Variants in SAMMSON observed in about 807,000 individuals in gnomAD.
SAMMSON encodes survival associated mitochondrial melanoma specific oncogenic non-coding RNA, also known as long intergenic non-protein coding RNA 1212.
At chr3:70,229,692 A>C (rs1298982904) in intron 4 of SAMMSON, among the ~76,000 whole-genome samples, 1 of 152,186 alleles carries the variant, frequency 6.6e-6, no homozygotes, top group Non-Finnish European at 1.5e-5. Context: ...GCCCCTAAAA[A>C]TGACAGAGCC....
intron 6 of SAMMSON, among the ~76,000 whole-genome samples, chr3:70,254,327 A>G: frequency 6.6e-6 from 1 of 152,278 alleles, no homozygotes; most frequent in East Asian, 1.9e-4. Context: ...AACATTCTAA[A>G]ATTGCATATT....
intron 2 of SAMMSON, among the ~76,000 whole-genome samples, chr3:70,409,134 C>A (rs1466830196): frequency 2.0e-5 from 3 of 152,134 alleles, no homozygotes; most frequent in Non-Finnish European, 4.4e-5. Context: ...AGGAGTACAA[C>A]TCAAGATGAG....
intron 4 of SAMMSON, among the ~76,000 whole-genome samples, chr3:70,187,729 C>T (rs1346261075): frequency 1.3e-5 from 2 of 152,032 alleles, no homozygotes; most frequent in Admixed American, 1.3e-4. Flanking sequence ...AGCCACCGCG[C>T]CCGGCCGGGA....
intron 3 of SAMMSON, among the ~76,000 whole-genome samples, chr3:70,035,621 A>G (rs2067082528): frequency 6.6e-6 from 1 of 152,206 alleles, no homozygotes; most frequent in South Asian, 2.1e-4. Flanking sequence ...ACAGCCTTTT[A>G]GCCGAACCCT....
intron 7 of SAMMSON, among the ~76,000 whole-genome samples, chr3:70,300,147 C>G (rs1374781046): frequency 3.3e-5 from 5 of 152,080 alleles, no homozygotes. Context: ...TGAAATTTAT[C>G]CTTCCATTTA....
intron 3 of SAMMSON, among the ~76,000 whole-genome samples, chr3:70,064,514 G>A (rs1031736566): frequency 6.6e-6 from 1 of 152,136 alleles, no homozygotes; most frequent in African/African-American, 2.4e-5. Flanking sequence ...CTAGGGCTTA[G>A]CAAGTGTCAT....
chr3:70,077,345 AAATT>A (rs1361906234), intron 4 of SAMMSON, among the ~76,000 whole-genome samples: 1 of 152,220 alleles, frequency 6.6e-6, no homozygotes, highest in Non-Finnish European at 1.5e-5. Context: ...TTATAAAAAT[AAATT>A]GAGATGTGCA....
At chr3:70,186,401 G>A (rs1445906314) in intron 4 of SAMMSON, among the ~76,000 whole-genome samples, 4 of 151,958 alleles carry the variant, frequency 2.6e-5, no homozygotes, top group Non-Finnish European at 5.9e-5. Context: ...GGGACTACAG[G>A]TGCATGCCAC....
At chr3:70,195,570 GA>G (rs998581884) in intron 4 of SAMMSON, among the ~76,000 whole-genome samples, 50 of 152,202 alleles carry the variant, frequency 3.3e-4, no homozygotes, top group African/African-American at 1.1e-3. Context: ...CCTAAGTCAG[GA>G]AAAAACAGGT....
chr3:70,029,902 T>G (rs950450804), intron 3 of SAMMSON, among the ~76,000 whole-genome samples: 6 of 152,216 alleles, frequency 3.9e-5, no homozygotes, highest in Non-Finnish European at 8.8e-5. Flanking sequence ...TTAGAAATCA[T>G]TTCTCTGTCC....
chr3:70,222,431 G>GTA (rs1385492407), intron 4 of SAMMSON, among the ~76,000 whole-genome samples: 1 of 152,054 alleles, frequency 6.6e-6, no homozygotes, highest in Non-Finnish European at 1.5e-5. Context: ...TTAATAATTG[G>GTA]TATTTATGGA....
chr3:70,385,869 G>A (rs143398909), intron 9 of SAMMSON, among the ~76,000 whole-genome samples: 2,126 of 152,108 alleles, frequency 0.014, 19 homozygotes, highest in Middle Eastern at 0.034. Flanking sequence ...TGTGGATGCT[G>A]GTAAAGATTA....
chr3:70,245,633 A>G (rs536127620), intron 4 of SAMMSON, among the ~76,000 whole-genome samples: 3 of 144,570 alleles, frequency 2.1e-5, no homozygotes, highest in African/African-American at 7.5e-5. Flanking sequence ...CAAAGAAATC[A>G]GAATATGGAT....
intron 6 of SAMMSON, among the ~76,000 whole-genome samples, chr3:70,287,844 G>A (rs867814739): frequency 0.027 from 4,003 of 150,842 alleles, 64 homozygotes; most frequent in Middle Eastern, 0.062. Context: ...GTTTATTTGC[G>A]TAGAGGTGTT....
chr3:70,380,483 C>T (rs1703055966), intron 9 of SAMMSON, among the ~76,000 whole-genome samples: 1 of 152,072 alleles, frequency 6.6e-6, no homozygotes, highest in Admixed American at 6.5e-5. Context: ...AAATAGTTGT[C>T]ATGTGTGCTA....
chr3:70,168,970 A>T (rs2067649053), intron 4 of SAMMSON, among the ~76,000 whole-genome samples: 1 of 151,926 alleles, frequency 6.6e-6, no homozygotes, highest in African/African-American at 2.4e-5. Context: ...AATTGCACTG[A>T]CTATGCTAAA....
intron 1 of SAMMSON, among the ~76,000 whole-genome samples, chr3:70,011,411 T>G (rs1161246516): frequency 6.6e-6 from 1 of 152,112 alleles, no homozygotes; most frequent in Non-Finnish European, 1.5e-5. Flanking sequence ...GTTCTTAAAT[T>G]TAGGGCCCCT....
Position 70,154,483 on chromosome 3 carries a change from C to T in SAMMSON, n.507+82918C>T, listed in dbSNP as rs141201925. On this transcript the variant is annotated intron_variant and non_coding_transcript_variant, in intron 4 of 9. Coordinates refer to ENST00000642114, the Ensembl canonical transcript of SAMMSON. ...TACATTGCCTCTCATGTACCCCTCC[C>T]ACTAACAAGAGACTATACTTGAATT... 4.9e-4 allele frequency among the ~76,000 whole-genome samples: 75 copies of T among 152,126 alleles called. 1 individual carries two copies. Among genetic ancestry groups the T allele is most frequent in the Non-Finnish European group, 9.6e-4 (65 of 67,950 alleles).
intron 4 of SAMMSON, among the ~76,000 whole-genome samples, chr3:70,227,496 A>G (rs1222379969): frequency 1.3e-5 from 2 of 152,194 alleles, no homozygotes; most frequent in African/African-American, 4.8e-5. Context: ...GACTTTTGCT[A>G]GAACAATTTC....
Sources: gnomAD v4.1 joint callset for allele counts (sites outside exome capture counted in the v4.1 genomes callset) on GRCh38, gnomAD v4.1.1 for gene constraint, MANE v1.5 for transcripts, NCBI Gene and HGNC (gene_info 2026-07-23, HGNC 2026-07-21) for gene names.